The following C5orf63 variants were observed in gnomAD, a reference collection of about 807,000 sequenced individuals.
C5orf63 encodes the protein chromosome 5 open reading frame 63.
In C5orf63, 18 loss-of-function variants were observed where a neutral mutation model predicts 13.3. That is an observed-to-expected ratio of 1.36 (90% CI 0.94 to 2.01). The LOEUF (loss-of-function observed/expected upper bound fraction) is 2.01. Among genes scored for constraint, C5orf63 ranks in the 30% most tolerant of loss-of-function variants. The probability of loss-of-function intolerance (pLI) is 0.00; values close to 1 mark genes in which losing one functional copy is unlikely to be tolerated. For synonymous variants in C5orf63, 38 were observed against 44.7 expected, an observed-to-expected ratio of 0.85 and a Z score of 0.60; for missense variants, 118 against 127.7, an observed-to-expected ratio of 0.92 and a Z score of 0.36.
intron 2 of C5orf63, among the ~76,000 whole-genome samples, chr5:127,062,612 T>C (rs2126894301): frequency 6.6e-6 from 1 of 152,342 alleles, no homozygotes; most frequent in Non-Finnish European, 1.5e-5. Context: ...ATGGGAACTC[T>C]ATAATATTCT....
chr5:127,058,608 A>C (rs1204051853), intron 3 of C5orf63: 1 of 301,154 alleles, frequency 3.3e-6, no homozygotes, highest in African/African-American at 2.2e-5. Flanking sequence ...TTGTATTTCT[A>C]AATGATACAT....
rs1425009877 is a variant in C5orf63 at position 127,051,691 on chromosome 5, A to C, written c.*80T>G. 2.1e-6 allele frequency: 3 copies of C among 1,407,548 alleles called. No individual in the cohort carries two copies. Among genetic ancestry groups the C allele is most frequent in the Non-Finnish European group, 1.8e-6 (2 of 1,085,176 alleles). The allele number at this position is 1,407,548 out of a possible 1,614,324, so 87.2% of individuals were successfully genotyped here. On this transcript the variant is annotated 3_prime_UTR_variant, in exon 5 of 5. Coordinates refer to ENST00000296662, the MANE Select transcript of C5orf63 (RefSeq NM_001164478.2). ...ATCCTTAGGGCTCTGTACAAGTGAC[A>C]AAATGAGTATCAGGCCATGGTCATT...
At chr5:127,052,083 T>G (rs1236218427) in intron 4 of C5orf63, 136 bp from the exon 5 acceptor site, 1 of 662,478 alleles carries the variant, frequency 1.5e-6, no homozygotes, top group Non-Finnish European at 2.3e-6. Context: ...TCCACAGTGA[T>G]CTAATGTCCC....
downstream of C5orf63, chr5:127,046,948 G>A (rs1264772651): frequency 6.6e-6 from 1 of 152,136 alleles, no homozygotes; most frequent in Non-Finnish European, 1.5e-5. Flanking sequence ...TTCAGTTTTG[G>A]GTGGTTCTTT....
intron 3 of C5orf63, among the ~76,000 whole-genome samples, chr5:127,057,899 A>C (rs1306387607): frequency 6.6e-6 from 1 of 152,206 alleles, no homozygotes; most frequent in Non-Finnish European, 1.5e-5. Flanking sequence ...TCCTAAGCAC[A>C]AGAAGACTGT....
chr5:127,057,287 A>C (rs527804599), intron 3 of C5orf63, among the ~76,000 whole-genome samples: 23 of 152,388 alleles, frequency 1.5e-4, no homozygotes, highest in Non-Finnish European at 3.2e-4. Context: ...ATATATATCC[A>C]AATTGCTAAA....
intron 1 of C5orf63, among the ~76,000 whole-genome samples, chr5:127,072,454 A>G (rs958459674): frequency 6.6e-6 from 1 of 152,192 alleles, no homozygotes; most frequent in Non-Finnish European, 1.5e-5. Flanking sequence ...TGCGACCTCT[A>G]ATAGACACCT....
intron 3 of C5orf63, among the ~76,000 whole-genome samples, chr5:127,054,190 G>T (rs544967981): frequency 6.6e-6 from 1 of 152,106 alleles, no homozygotes; most frequent in South Asian, 2.1e-4. Context: ...TAGACCTGGG[G>T]TCCACAGAAG....
chr5:127,051,750 G>A lies in C5orf63; in HGVS notation c.*21C>T, dbSNP rs1245409884. On this transcript the variant is annotated 3_prime_UTR_variant, in exon 5 of 5. Coordinates refer to ENST00000296662, the MANE Select transcript of C5orf63 (RefSeq NM_001164478.2). ...AAGATGCTTTATGGGAAGAGAGGGT[G>A]GAAAATCATGAGGGCATCAGTCAGC... 2.0e-6 allele frequency: 3 copies of A among 1,470,072 alleles called. No homozygotes were observed. The highest frequency in any genetic ancestry group is 2.7e-6 in the Non-Finnish European group (3 of 1,115,470). 91.1% of individuals were successfully genotyped at this position (1,470,072 alleles called of 1,614,324 possible). A position where few individuals can be genotyped will look rare whatever the true frequency, so the allele number is the denominator to read the frequency against.
rs1438750417 is a variant in C5orf63 at position 127,058,990 on chromosome 5, G to C, written c.6C>G (p.Leu2=). The change falls in exon 3 of 5, where the codon CTC becomes CTG. Residue 2 remains leucine (L), a synonymous_variant. Coordinates refer to ENST00000296662, the MANE Select transcript of C5orf63 (RefSeq NM_001164478.2). ...GTTGCATGCTATTTCCTTGAAACCA[G>C]AGCATCTTAATTCTGCCAAAAGAAA... M[L]WFQGNSMQLA... 6.5e-7 allele frequency: 1 copy of C among 1,533,448 alleles called. No individual in the cohort carries two copies. Among genetic ancestry groups the C allele is most frequent in the Non-Finnish European group, 8.7e-7 (1 of 1,143,394 alleles). The allele number at this position is 1,533,448 out of a possible 1,614,324, so 95.0% of individuals were successfully genotyped here. A position where few individuals can be genotyped will look rare whatever the true frequency, so the allele number is the denominator to read the frequency against.
intron 2 of C5orf63, among the ~76,000 whole-genome samples, chr5:127,065,913 T>C (rs1754312168): frequency 6.6e-6 from 1 of 152,198 alleles, no homozygotes; most frequent in Admixed American, 6.5e-5. Flanking sequence ...GTAAGGTACG[T>C]TGCCTTCATG....
intron 2 of C5orf63, among the ~76,000 whole-genome samples, chr5:127,063,093 C>A (rs1350832004): frequency 6.6e-6 from 1 of 152,050 alleles, no homozygotes; most frequent in African/African-American, 2.4e-5. Context: ...ATGGTGACTC[C>A]TGCCGTTTCA....
intron 3 of C5orf63, among the ~76,000 whole-genome samples, chr5:127,056,700 GA>G (rs926075738): frequency 1.8e-4 from 27 of 152,310 alleles, no homozygotes; most frequent in Non-Finnish European, 3.8e-4. Flanking sequence ...ACTAGAGGGG[GA>G]TTTAACCCTG....
At chr5:127,052,371 C>G in intron 4 of C5orf63, 1 of 379,642 alleles carries the variant, frequency 2.6e-6, no homozygotes, top group South Asian at 1.3e-4. Flanking sequence ...AATGCTGCAC[C>G]TGCTAGTTAA....
downstream of C5orf63, chr5:127,046,468 G>A (rs1462889749): frequency 6.6e-6 from 1 of 152,254 alleles, no homozygotes; most frequent in Non-Finnish European, 1.5e-5. Context: ...TATGGAGTAG[G>A]ATATAAGTGA....
At chr5:127,048,435 A>G (rs984870581), downstream of C5orf63, among the ~76,000 whole-genome samples, 2 of 152,168 alleles carry the variant, frequency 1.3e-5, no homozygotes, top group African/African-American at 4.8e-5. Flanking sequence ...AAGGACATAC[A>G]TTCGCTTTCC....
At chr5:127,062,550 C>G (rs1274151734) in intron 2 of C5orf63, among the ~76,000 whole-genome samples, 1 of 152,146 alleles carries the variant, frequency 6.6e-6, no homozygotes, top group African/African-American at 2.4e-5. Flanking sequence ...TAATTTCTAA[C>G]ATTTACTTAA....
downstream of C5orf63, chr5:127,048,022 C>T: frequency 1.7e-6 from 1 of 599,720 alleles, no homozygotes; most frequent in South Asian, 2.0e-5. Flanking sequence ...AAGCAGACCA[C>T]ACTTGGTACA....
At chr5:127,055,075 T>A (rs1445286360) in intron 3 of C5orf63, among the ~76,000 whole-genome samples, 1 of 152,346 alleles carries the variant, frequency 6.6e-6, no homozygotes, top group East Asian at 1.9e-4. Context: ...CTGAGGGCTC[T>A]GTTCTGTTCC....
Sources: allele counts gnomAD v4.1 joint callset (sites outside exome capture counted in the v4.1 genomes callset), GRCh38; gene constraint gnomAD v4.1.1; transcripts MANE v1.5; gene names NCBI Gene and HGNC (gene_info 2026-07-23, HGNC 2026-07-21).